CYP4F22: variants seen among roughly 807,000 people sequenced by gnomAD.
The protein encoded by CYP4F22 is ultra-long-chain fatty acid omega-hydroxylase.
A neutral mutation model predicts 60.4 loss-of-function variants in CYP4F22; 37 were observed. That is an observed-to-expected ratio of 0.61 (90% CI 0.47 to 0.81). CYP4F22 has a LOEUF of 0.81. Among genes scored for constraint, CYP4F22 ranks in the 30% least tolerant of loss-of-function variants. CYP4F22 has a pLI of 0.00. For missense variants in CYP4F22, 655 were observed against 715.0 expected, an observed-to-expected ratio of 0.92 and a Z score of 0.96; for synonymous variants, 258 against 280.5, an observed-to-expected ratio of 0.92 and a Z score of 0.80.
In CYP4F22 at chr19:15,552,200, ATCC is replaced by A. The variant is rs371031155; in HGVS notation, c.*731_*733del. On this transcript the variant is annotated 3_prime_UTR_variant, in exon 14 of 14. Transcript: ENST00000269703. ...CACCCTCCACCCCTAGCTCAGCCAG[ATCC>A]TTACACGTGGAGCCCCCAGCATGGG... 1 of 152,332 alleles carries A rather than the reference ATCC, an allele frequency of 6.6e-6. No homozygotes were observed. The highest frequency in any genetic ancestry group is 2.4e-5 in the African/African-American group (1 of 41,566). 9.4% of individuals were successfully genotyped at this position (152,332 alleles called of 1,614,324 possible).
At chr19:15,528,278 C>T (rs1971304351) in intron 3 of CYP4F22, among the ~76,000 whole-genome samples, 1 of 152,110 alleles carries the variant, frequency 6.6e-6, no homozygotes, top group Non-Finnish European at 1.5e-5. Context: ...CATAGCAAGA[C>T]CCAGTTTTTA....
At chr19:15,522,147 GAA>G (rs5827288) in intron 1 of CYP4F22, among the ~76,000 whole-genome samples, 30 of 82,864 alleles carry the variant, frequency 3.6e-4, no homozygotes, top group Middle Eastern at 7.5e-3. Flanking sequence ...CTTTGTCTCA[GAA>G]AAAAAAAAAA....
intron 10 of CYP4F22, among the ~76,000 whole-genome samples, chr19:15,545,026 A>C (rs1971504847): frequency 6.6e-6 from 1 of 152,136 alleles, no homozygotes; most frequent in Admixed American, 6.6e-5. Context: ...GCACCACTGC[A>C]CTCCAGCCTG....
intron 4 of CYP4F22, among the ~76,000 whole-genome samples, chr19:15,534,432 C>A: frequency 6.6e-6 from 1 of 152,026 alleles, no homozygotes; most frequent in East Asian, 1.9e-4. Flanking sequence ...TTTCGTACAC[C>A]GTCTCATCCA....
chr19:15,537,804 C>A (rs148063219), intron 6 of CYP4F22, 68 bp from the exon 7 acceptor site: 3 of 1,611,218 alleles, frequency 1.9e-6, no homozygotes, highest in Admixed American at 1.7e-5. Context: ...AAAACGCAGT[C>A]GGGTCCTTGT....
chr19:15,542,659 A>G (rs1254253015), intron 8 of CYP4F22, among the ~76,000 whole-genome samples: 2 of 152,190 alleles, frequency 1.3e-5, no homozygotes, highest in African/African-American at 4.8e-5. Context: ...TCACCTAGGT[A>G]TTAAGCCCTG....
chr19:15,537,440 G>A (rs1371433811), intron 5 of CYP4F22, 26 bp downstream of exon 5: 2 of 1,614,214 alleles, frequency 1.2e-6, no homozygotes, highest in South Asian at 1.1e-5. Flanking sequence ...GTAGGCTGGG[G>A]CTGGGGCTTT....
At chr19:15,510,966 A>ATATATATATTTTTTTTTT (rs34055543) in intron 1 of CYP4F22, among the ~76,000 whole-genome samples, 1 of 103,336 alleles carries the variant, frequency 9.7e-6, no homozygotes, top group African/African-American at 4.6e-5. Context: ...ATATATATAT[A>ATATATATATTTTTTTTTT]TTTTTTTTTT....
intron 10 of CYP4F22, among the ~76,000 whole-genome samples, chr19:15,545,837 T>A (rs1428054021): frequency 6.6e-6 from 1 of 152,004 alleles, no homozygotes; most frequent in African/African-American, 2.4e-5. Flanking sequence ...TTGCTAATCT[T>A]CCTTTTAAAC....
Position 15,551,586 on chromosome 19 carries a change from C to G in CYP4F22, c.*115C>G. The G allele has an allele frequency of 7.8e-7, 1 of 1,289,908 alleles. No individual in the cohort carries two copies. Among genetic ancestry groups the G allele is most frequent in the Non-Finnish European group, 1.1e-6 (1 of 945,364 alleles). The allele number at this position is 1,289,908 out of a possible 1,614,324, so 79.9% of individuals were successfully genotyped here. On this transcript the variant is annotated 3_prime_UTR_variant, in exon 14 of 14. Coordinates refer to ENST00000269703, the MANE Select transcript of CYP4F22 (RefSeq NM_173483.4). ...CCCCCCTCGAAGTTCAGGTTCAGCT[C>G]CTGGATGACCAGGCACCGCTGTTGA...
chr19:15,548,781 C>A (rs1971562128), intron 11 of CYP4F22, among the ~76,000 whole-genome samples: 1 of 151,978 alleles, frequency 6.6e-6, no homozygotes. Context: ...TGGAGTAGAG[C>A]CTCAGGATGC....
intron 8 of CYP4F22, among the ~76,000 whole-genome samples, chr19:15,541,737 G>C (rs113140593): frequency 6.6e-6 from 1 of 151,744 alleles, no homozygotes; most frequent in African/African-American, 2.4e-5. Context: ...AAAATTAGCC[G>C]GGCGTGGTGG....
chr19:15,529,404 C>T (rs2144517826), intron 3 of CYP4F22, among the ~76,000 whole-genome samples: 1 of 152,262 alleles, frequency 6.6e-6, no homozygotes, highest in South Asian at 2.1e-4. Context: ...GCTGGGATTA[C>T]AGATGTGAGC....
rs1425964436 is a variant in CYP4F22, at chr19:15,551,419, G to T, written c.1544G>T (p.Arg515Leu). The change falls in exon 14 of 14, where the codon CGC becomes CTC. Residue 515 changes from arginine to leucine, a missense_variant. Physicochemically the swap from Arg to Leu is moderately radical, Grantham distance 102 (BLOSUM62 -2). Around this residue, in one of 3 missense-constraint regions of CYP4F22, gnomAD observed 151 missense variants for 139.4 expected, o/e 1.08. Transcript: ENST00000269703. ...KVRRKPELIL[R>L]TENGLWLKVE... is the part of the protein sequence containing the mutation. ...CGGCGGAAGCCGGAGCTCATACTGC[G>T]CACGGAGAACGGGCTCTGGCTCAAG... 1 of 1,595,262 alleles carries T rather than the reference G, an allele frequency of 6.3e-7. No homozygotes were observed. The highest frequency in any genetic ancestry group is 8.5e-7 in the Non-Finnish European group (1 of 1,171,198).
intron 1 of CYP4F22, among the ~76,000 whole-genome samples, chr19:15,514,232 A>G (rs1971127650): frequency 6.6e-6 from 1 of 152,234 alleles, no homozygotes; most frequent in African/African-American, 2.4e-5. Flanking sequence ...CGTAATTTGC[A>G]TCACTGAAAT....
intron 3 of CYP4F22, among the ~76,000 whole-genome samples, chr19:15,526,726 A>G (rs1362581168): frequency 6.7e-6 from 1 of 149,824 alleles, no homozygotes; most frequent in African/African-American, 2.5e-5. Context: ...TAGTTTCTAG[A>G]TGAGATAGGC....
chr19:15,518,731 A>G (rs1440933746), intron 1 of CYP4F22, among the ~76,000 whole-genome samples: 2 of 151,294 alleles, frequency 1.3e-5, no homozygotes, highest in South Asian at 2.1e-4. Context: ...AAGAGTCTAA[A>G]TTTCATTTAG....
intron 4 of CYP4F22, among the ~76,000 whole-genome samples, chr19:15,532,699 C>T (rs547804342): frequency 2.6e-5 from 4 of 151,856 alleles, no homozygotes; most frequent in Admixed American, 2.6e-4. Flanking sequence ...TTTCTCCTTC[C>T]TCCTCCCTTC....
chr19:15,546,410 C>T (rs953509320), intron 10 of CYP4F22, among the ~76,000 whole-genome samples: 2 of 152,172 alleles, frequency 1.3e-5, no homozygotes, highest in Non-Finnish European at 2.9e-5. Context: ...ATGGTGAAAC[C>T]CTGTCTCTAC....
Sources: gnomAD v4.1 joint callset for allele counts (sites outside exome capture counted in the v4.1 genomes callset) on GRCh38, gnomAD v4.1.1 for gene constraint, gnomAD v4.1.1 regional missense constraint, MANE v1.5 for transcripts, NCBI Gene and HGNC (gene_info 2026-07-23, HGNC 2026-07-21) for gene names.